Variants in EXTL3 observed in about 807,000 individuals in gnomAD.
EXTL3 encodes the protein exostosin-like 3.
EXTL3 carries 27 observed loss-of-function variants against 69.3 expected under a neutral mutation model. That is an observed-to-expected ratio of 0.39 (90% confidence interval 0.29 to 0.54). The LOEUF is 0.54. Among genes scored for constraint, EXTL3 ranks in the 20% least tolerant of loss-of-function variants. The pLI is 0.69. For missense variants in EXTL3, 1,003 were observed against 1,231.8 expected (o/e 0.81, Z 2.78); for synonymous variants, 511 against 499.4 (o/e 1.02, Z -0.31).
intron 1 of EXTL3, among the ~76,000 whole-genome samples, chr8:28,637,659 T>C (rs1464280885): frequency 2.6e-5 from 4 of 151,662 alleles, no homozygotes; most frequent in Non-Finnish European, 5.9e-5. Context: ...AATCTGTGGA[T>C]TGGCCTGTGC....
chr8:28,725,812 G>C (rs1321236564), intron 3 of EXTL3, among the ~76,000 whole-genome samples: 4 of 152,032 alleles, frequency 2.6e-5, no homozygotes, highest in Non-Finnish European at 5.9e-5. Flanking sequence ...GGTTTGATTT[G>C]AAACAAAACA....
upstream of EXTL3, chr8:28,699,434 G>C (rs1241598414): frequency 6.5e-6 from 1 of 153,028 alleles, no homozygotes; most frequent in Non-Finnish European, 1.5e-5. Context: ...GGAGAGTGCA[G>C]ACTCACAAGA....
intron 1 of EXTL3, among the ~76,000 whole-genome samples, chr8:28,680,579 G>A (rs1398926766): frequency 6.6e-6 from 1 of 152,076 alleles, no homozygotes; most frequent in Non-Finnish European, 1.5e-5. Flanking sequence ...TTGTGTGTGT[G>A]TGTGGTGAGA....
Position 28,652,061 on chromosome 8 carries a change from A to G in EXTL3, c.-53+29251A>G, listed in dbSNP as rs1048134507. On this transcript the variant is annotated intron_variant, in intron 1 of 6. Coordinates refer to the EXTL3 transcript ENST00000523149. ...TGTCTGTGTGTGTGTGTGTGTGTGT[A>G]TGTATACTGAACCACGTTTTGTTTC... Among the ~76,000 whole-genome samples the G allele has an allele frequency of 9.6e-5, 11 of 114,140 alleles. No individual in the cohort carries two copies. The East Asian group carries it at 1.7e-3, about 18-fold the overall frequency. 74.9% of individuals were successfully genotyped at this position (114,140 alleles called of 152,430 possible).
At chr8:28,698,933 CAG>C (rs1369230908), upstream of EXTL3, among the ~76,000 whole-genome samples, 3 of 152,140 alleles carry the variant, frequency 2.0e-5, no homozygotes, top group Non-Finnish European at 4.4e-5. Context: ...GCAGAGTTTG[CAG>C]AGAGTCGAGA....
At chr8:28,647,426 G>T (rs1354669595) in intron 1 of EXTL3, among the ~76,000 whole-genome samples, 2 of 152,202 alleles carry the variant, frequency 1.3e-5, no homozygotes, top group African/African-American at 4.8e-5. Flanking sequence ...TGTGTGGAAT[G>T]ATTGCCTGCA....
chr8:28,693,775 C>A (rs530808708), intron 1 of EXTL3, among the ~76,000 whole-genome samples: 20 of 152,272 alleles, frequency 1.3e-4, no homozygotes, highest in African/African-American at 4.1e-4. Flanking sequence ...TAGAAGATGA[C>A]CTTTTGGCTT....
At position 28,750,464 on chromosome 8, in the gene EXTL3, C is replaced by G. The variant is rs1028637162; in HGVS notation, c.2551-193C>G. ...TAGGCCATCTCAACAGAATACCTGA[C>G]AATGTTCTGGAGACATCTGGTAGGC... is the stretch of plus-strand genomic sequence containing the variant. On this transcript the variant is annotated intron_variant, in intron 6 of 6. Coordinates refer to ENST00000220562, the MANE Select transcript of EXTL3 (RefSeq NM_001440.4). The surrounding 1 kb of genome is among the most constrained non-coding windows in gnomAD (Gnocchi z 5.2). Among the ~76,000 whole-genome samples the G allele has an allele frequency of 1.3e-5, 2 of 152,212 alleles. No homozygotes were observed. The highest frequency in any genetic ancestry group is 2.9e-5 in the Non-Finnish European group (2 of 68,042).
At chr8:28,711,316 G>A (rs960289342) in intron 1 of EXTL3, among the ~76,000 whole-genome samples, 4 of 151,890 alleles carry the variant, frequency 2.6e-5, no homozygotes, top group Admixed American at 6.6e-5. Context: ...TTTCGATTTC[G>A]TTGATTTCTG....
intron 1 of EXTL3, among the ~76,000 whole-genome samples, chr8:28,706,441 C>G (rs920793699): frequency 1.3e-5 from 2 of 152,122 alleles, no homozygotes; most frequent in Non-Finnish European, 2.9e-5. Context: ...TCTTTTTTCT[C>G]ACTCATGATT....
At chr8:28,620,777 G>A (rs1806401055), upstream of EXTL3, among the ~76,000 whole-genome samples, 3 of 152,152 alleles carry the variant, frequency 2.0e-5, no homozygotes, top group South Asian at 2.1e-4. Context: ...GTACAGTGAT[G>A]TAATCATTAG....
At chr8:28,661,159 C>T (rs994737299) in intron 1 of EXTL3, among the ~76,000 whole-genome samples, 8 of 151,704 alleles carry the variant, frequency 5.3e-5, no homozygotes, top group African/African-American at 9.7e-5. Flanking sequence ...GTGATCCGCC[C>T]GCCTCAGCCT....
intron 1 of EXTL3, among the ~76,000 whole-genome samples, chr8:28,634,051 A>T (rs529952014): frequency 2.6e-5 from 4 of 152,338 alleles, no homozygotes; most frequent in African/African-American, 9.6e-5. Context: ...CCCAGCATCC[A>T]CATGGGCCGG....
intron 1 of EXTL3, among the ~76,000 whole-genome samples, chr8:28,653,115 T>C (rs144658297): frequency 1.3e-5 from 2 of 152,228 alleles, no homozygotes; most frequent in Admixed American, 1.3e-4. Context: ...ATCCACATGA[T>C]AGTAGCATAT....
At chr8:28,732,113 A>G (rs540983173) in intron 4 of EXTL3, among the ~76,000 whole-genome samples, 1 of 152,200 alleles carries the variant, frequency 6.6e-6, no homozygotes, top group African/African-American at 2.4e-5. Flanking sequence ...CACACTCCCA[A>G]CCTGCACCCG....
intron 1 of EXTL3, among the ~76,000 whole-genome samples, chr8:28,663,569 A>G (rs1359730943): frequency 1.3e-5 from 2 of 152,028 alleles, no homozygotes; most frequent in Admixed American, 6.5e-5. Flanking sequence ...CTCCTGTCTC[A>G]GCCTCCTGAG....
intron 3 of EXTL3, among the ~76,000 whole-genome samples, chr8:28,728,828 G>T (rs1474681287): frequency 6.6e-6 from 1 of 151,976 alleles, no homozygotes; most frequent in Admixed American, 6.6e-5. Context: ...TGAGCTCTAG[G>T]CTGCAGTGAG....
chr8:28,725,156 C>T (rs13261585), intron 3 of EXTL3, among the ~76,000 whole-genome samples: 349 of 152,150 alleles, frequency 2.3e-3, no homozygotes, highest in Non-Finnish European at 4.5e-3. Context: ...TGGAGATTGT[C>T]GGGCTTGGCT....
chr8:28,644,985 T>C (rs1192881666), intron 1 of EXTL3, among the ~76,000 whole-genome samples: 1 of 152,210 alleles, frequency 6.6e-6, no homozygotes, highest in Non-Finnish European at 1.5e-5. Flanking sequence ...TCAGGCCAAC[T>C]AGTCTTTCTC....
Sources: gnomAD v4.1 joint callset for allele counts (sites outside exome capture counted in the v4.1 genomes callset) on GRCh38, gnomAD v4.1.1 for gene constraint, Gnocchi (gnomAD v3.1) non-coding constraint, MANE v1.5 for transcripts, NCBI Gene and HGNC (gene_info 2026-07-23, HGNC 2026-07-21) for gene names.